Variants in SLC2A13 observed in about 807,000 individuals in gnomAD.
The protein encoded by SLC2A13 is solute carrier family 2 member 13.
A neutral mutation model predicts 64.4 loss-of-function variants in SLC2A13; 32 were observed. The ratio of observed to expected loss-of-function variants is 0.50; its 90% CI spans 0.37 to 0.67. The LOEUF (loss-of-function observed/expected upper bound fraction) is 0.67. Ranked by LOEUF, SLC2A13 falls within the 30% of genes least tolerant of loss-of-function variation. The pLI is 0.00. For missense variants in SLC2A13, 743 were observed against 829.2 expected (o/e 0.90, Z 1.28); for synonymous variants, 338 against 327.1 (o/e 1.03, Z -0.36).
intron 4 of SLC2A13, among the ~76,000 whole-genome samples, chr12:39,921,999 A>T (rs1033396452): frequency 1.3e-5 from 2 of 151,380 alleles, no homozygotes; most frequent in Non-Finnish European, 2.9e-5. Context: ...TCTAGTGCTT[A>T]TGTGATGTAC....
chr12:39,769,330 T>C (rs1940476145), intron 7 of SLC2A13, among the ~76,000 whole-genome samples: 1 of 152,046 alleles, frequency 6.6e-6, no homozygotes, highest in Admixed American at 6.6e-5. Flanking sequence ...ATTTATCAAT[T>C]TCAGTTGAGA....
chr12:40,006,797 C>A (rs562199754), intron 3 of SLC2A13, among the ~76,000 whole-genome samples: 1 of 152,144 alleles, frequency 6.6e-6, no homozygotes, highest in Non-Finnish European at 1.5e-5. Context: ...CAAGAATAAA[C>A]CCATGTCTAC....
chr12:39,969,497 T>C (rs1369818697), intron 3 of SLC2A13, among the ~76,000 whole-genome samples: 3 of 152,250 alleles, frequency 2.0e-5, no homozygotes, highest in Non-Finnish European at 4.4e-5. Context: ...CCATTCTAAC[T>C]GGTGTGAGAT....
intron 4 of SLC2A13, among the ~76,000 whole-genome samples, chr12:39,900,342 G>C (rs1369033652): frequency 6.6e-6 from 1 of 152,102 alleles, no homozygotes; most frequent in Non-Finnish European, 1.5e-5. Context: ...TCTGGCCAGG[G>C]CGATTAGGCA....
At chr12:40,014,364 C>G (rs1470712176) in intron 3 of SLC2A13, among the ~76,000 whole-genome samples, 1 of 151,920 alleles carries the variant, frequency 6.6e-6, no homozygotes, top group African/African-American at 2.4e-5. Context: ...GGTTTTCCAA[C>G]TCATAGCAGA....
At chr12:40,054,234 T>C (rs368427595) in intron 1 of SLC2A13, among the ~76,000 whole-genome samples, 1 of 152,172 alleles carries the variant, frequency 6.6e-6, no homozygotes, top group South Asian at 2.1e-4. Flanking sequence ...ATCTTCAAAA[T>C]GAAGAGTTAG....
intron 6 of SLC2A13, among the ~76,000 whole-genome samples, chr12:39,852,984 C>T (rs887425570): frequency 7.9e-5 from 12 of 152,138 alleles, no homozygotes; most frequent in African/African-American, 2.2e-4. Context: ...GCTCTTGAGT[C>T]GCTTGCTTGA....
intron 4 of SLC2A13, among the ~76,000 whole-genome samples, chr12:39,896,238 ATATATG>A (rs1433084981): frequency 8.9e-5 from 9 of 100,764 alleles, no homozygotes; most frequent in Admixed American, 4.0e-4. Flanking sequence ...GCATATGTGT[ATATATG>A]TATACATGTA....
At chr12:40,049,274 T>A (rs1177811462) in intron 1 of SLC2A13, among the ~76,000 whole-genome samples, 1 of 152,008 alleles carries the variant, frequency 6.6e-6, no homozygotes, top group Admixed American at 6.6e-5. Context: ...TATAAATCAA[T>A]CCTTAGATTA....
chr12:40,021,382 AAT>A (rs1246726520), intron 3 of SLC2A13, among the ~76,000 whole-genome samples: 2 of 152,222 alleles, frequency 1.3e-5, no homozygotes, highest in Non-Finnish European at 2.9e-5. Context: ...TATTGAATGA[AAT>A]AGTGTTTCTT....
At chr12:39,908,994 G>GT (rs34616072) in intron 4 of SLC2A13, among the ~76,000 whole-genome samples, 16,457 of 151,074 alleles carry the variant, frequency 0.11, 1,148 homozygotes, top group Non-Finnish European at 0.16. Flanking sequence ...TAAAGAAAGA[G>GT]TTTTTTTTTA....
At chr12:39,913,618 C>T (rs916569978) in intron 4 of SLC2A13, among the ~76,000 whole-genome samples, 1 of 151,188 alleles carries the variant, frequency 6.6e-6, no homozygotes, top group African/African-American at 2.4e-5. Flanking sequence ...TATTAAGTAG[C>T]AATTTAAATA....
chr12:39,930,095 C>A (rs1320775195), intron 4 of SLC2A13, among the ~76,000 whole-genome samples: 2 of 149,460 alleles, frequency 1.3e-5, no homozygotes, highest in African/African-American at 4.9e-5. Flanking sequence ...TGCACAACTG[C>A]ACTCCAGCCT....
intron 6 of SLC2A13, among the ~76,000 whole-genome samples, chr12:39,848,945 C>T (rs999341655): frequency 6.6e-6 from 1 of 152,130 alleles, no homozygotes; most frequent in African/African-American, 2.4e-5. Context: ...ACCACATGGT[C>T]TCACTTATAA....
intron 3 of SLC2A13, among the ~76,000 whole-genome samples, chr12:39,984,937 C>A (rs11564282): frequency 0.11 from 16,431 of 151,962 alleles, 947 homozygotes; most frequent in Admixed American, 0.11. Context: ...GGGGAAATCA[C>A]CAAGAAGGAA....
intron 3 of SLC2A13, among the ~76,000 whole-genome samples, chr12:40,007,187 C>G (rs576271695): frequency 6.6e-6 from 1 of 152,028 alleles, no homozygotes; most frequent in African/African-American, 2.4e-5. Flanking sequence ...ATAGATGCTG[C>G]GAGAAGGGAA....
At chr12:40,050,427 A>T (rs960053262) in intron 1 of SLC2A13, among the ~76,000 whole-genome samples, 2 of 152,198 alleles carry the variant, frequency 1.3e-5, no homozygotes, top group African/African-American at 4.8e-5. Context: ...TAAAACAAAC[A>T]CCAGAGCTTT....
At chr12:39,823,106 T>G (rs896582510) in intron 7 of SLC2A13, among the ~76,000 whole-genome samples, 1 of 152,194 alleles carries the variant, frequency 6.6e-6, no homozygotes, top group Non-Finnish European at 1.5e-5. Context: ...TCCAAACACA[T>G]AACATGCAGC....
rs1565592587 is a variant in SLC2A13, at chr12:40,019,810, G to GA, written c.925+8490dup. ...AGGAAGTACCTTGAAAAATCCAGGG[G>GA]AAAAACTGTACTGAAAAACGTGAGA... On this transcript the variant is annotated intron_variant, in intron 3 of 9. Coordinates refer to ENST00000280871, the MANE Select transcript of SLC2A13 (RefSeq NM_052885.4). Among the ~76,000 whole-genome samples, 3 of 152,174 alleles carry GA rather than the reference G, an allele frequency of 2.0e-5. No individual in the cohort carries two copies. The East Asian group carries it at 5.8e-4, about 29-fold the overall frequency.
Sources: allele counts gnomAD v4.1 joint callset (sites outside exome capture counted in the v4.1 genomes callset), GRCh38; gene constraint gnomAD v4.1.1; transcripts MANE v1.5; gene names NCBI Gene and HGNC (gene_info 2026-07-23, HGNC 2026-07-21).